Variants in CEP70 observed in about 807,000 individuals in gnomAD.
CEP70 encodes centrosomal protein of 70 kDa.
In CEP70, 70 loss-of-function variants were observed where a neutral mutation model predicts 90.9. The ratio of observed to expected loss-of-function variants is 0.77; its 90% CI spans 0.64 to 0.94. The LOEUF is 0.94. Among genes scored for constraint, CEP70 ranks in the 40% least tolerant of loss-of-function variants. The pLI is 0.00. For missense variants in CEP70, 648 were observed against 669.0 expected, an observed-to-expected ratio of 0.97 and a Z score of 0.35; for synonymous variants, 220 against 228.3, an observed-to-expected ratio of 0.96 and a Z score of 0.33.
chr3:138,543,972 G>A (rs34011134), intron 6 of CEP70, among the ~76,000 whole-genome samples: 12,587 of 151,160 alleles, frequency 0.083, 1,015 homozygotes, highest in East Asian at 0.38. Flanking sequence ...TCTATTATTT[G>A]TGATCAAGGC....
rs1316848567 is a variant in CEP70, at chr3:138,582,332, C to T, written c.-5-9400G>A. Among the ~76,000 whole-genome samples the T allele has an allele frequency of 6.6e-5, 10 of 151,912 alleles. No individual in the cohort carries two copies. The East Asian group carries it at 1.2e-3, about 18-fold the overall frequency. On this transcript the variant is annotated intron_variant, in intron 2 of 17. Coordinates refer to ENST00000264982, the MANE Select transcript of CEP70 (RefSeq NM_024491.4). ...ACTAAAAATACAAAAATTAGCCAGG[C>T]GTGGTGGCACATGCCCATAGTCCCA...
At chr3:138,566,566 A>C (rs2040804178) in intron 6 of CEP70, among the ~76,000 whole-genome samples, 1 of 152,152 alleles carries the variant, frequency 6.6e-6, no homozygotes, top group African/African-American at 2.4e-5. Flanking sequence ...AAGAATGGAA[A>C]ACCAAACACT....
chr3:138,524,583 C>A (rs1036275270), intron 11 of CEP70, among the ~76,000 whole-genome samples: 1 of 152,078 alleles, frequency 6.6e-6, no homozygotes, highest in African/African-American at 2.4e-5. Context: ...ACCAAACAAC[C>A]CCATCAACAA....
intron 1 of CEP70, among the ~76,000 whole-genome samples, chr3:138,592,586 G>A (rs2042437041): frequency 6.6e-6 from 1 of 152,156 alleles, no homozygotes; most frequent in African/African-American, 2.4e-5. Context: ...GAGGGTAGGA[G>A]TTGATTTGTA....
In CEP70 at chr3:138,500,198, C is replaced by T. The variant is rs1176677619; in HGVS notation, c.1564G>A (p.Val522Ile). The T allele has an allele frequency of 1.9e-6, 3 of 1,612,428 alleles. No homozygotes were observed. The highest frequency in any genetic ancestry group is 2.5e-6 in the Non-Finnish European group (3 of 1,178,452). Residue 522 changes from valine to isoleucine, a missense_variant, in exon 16 of 18, where the codon GTA (valine) becomes ATA (isoleucine). Coordinates refer to ENST00000264982, the MANE Select transcript of CEP70 (RefSeq NM_024491.4). ...LDSSSSLCVL[V>I]STVGKLCRLI... ...CTACAGAGTTTTCCAACAGTGCTTA[C>T]TAGCACACACAATGAGGATGAACTA...
chr3:138,538,037 T>C (rs1032838442), intron 6 of CEP70, among the ~76,000 whole-genome samples: 4 of 152,168 alleles, frequency 2.6e-5, no homozygotes. Context: ...AGGAATTGCC[T>C]GTGGAAAATT....
At chr3:138,534,870 C>G (rs1444658192) in intron 7 of CEP70, among the ~76,000 whole-genome samples, 1 of 152,196 alleles carries the variant, frequency 6.6e-6, no homozygotes, top group Non-Finnish European at 1.5e-5. Flanking sequence ...CCACTCCTTT[C>G]AACATCTATA....
intron 10 of CEP70, among the ~76,000 whole-genome samples, chr3:138,527,586 C>T (rs955509288): frequency 5.3e-5 from 8 of 150,336 alleles, no homozygotes; most frequent in South Asian, 2.1e-4. Context: ...CCCAGCTACT[C>T]GGGAGGCTGA....
At chr3:138,581,010 C>T (rs1229349878) in intron 2 of CEP70, among the ~76,000 whole-genome samples, 1 of 152,004 alleles carries the variant, frequency 6.6e-6, no homozygotes. Flanking sequence ...ACAGGCCGGG[C>T]ATGGTGGCTC....
At chr3:138,526,589 C>T (rs1043112306) in intron 10 of CEP70, among the ~76,000 whole-genome samples, 1 of 152,180 alleles carries the variant, frequency 6.6e-6, no homozygotes, top group African/African-American at 2.4e-5. Context: ...CAACAATGTT[C>T]ATTCTTTATT....
chr3:138,571,923 C>T (rs1296218551), intron 3 of CEP70, among the ~76,000 whole-genome samples: 9 of 152,162 alleles, frequency 5.9e-5, no homozygotes, highest in East Asian at 1.9e-4. Flanking sequence ...GGACTACAGG[C>T]GCCCGCCACC....
chr3:138,518,518 G>A (rs1277479853), intron 11 of CEP70, among the ~76,000 whole-genome samples: 1 of 152,158 alleles, frequency 6.6e-6, no homozygotes, highest in Non-Finnish European at 1.5e-5. Context: ...AACATTTGCT[G>A]TGCACCAATA....
chr3:138,495,815 G>T, intron 17 of CEP70: 1 of 901,496 alleles, frequency 1.1e-6, no homozygotes, highest in Non-Finnish European at 1.3e-6. Flanking sequence ...TTGCGTCACT[G>T]CACTCTGGCC....
chr3:138,494,962 A>G lies in CEP70; in HGVS notation c.*53T>C. 1 of 1,016,864 alleles carries G rather than the reference A, an allele frequency of 9.8e-7. No homozygotes were observed. Among genetic ancestry groups the G allele is most frequent in the Non-Finnish European group, 1.5e-6 (1 of 661,986 alleles). The allele number at this position is 1,016,864 out of a possible 1,614,324, so 63.0% of individuals were successfully genotyped here. ...TCTCAAAATAAGATCAATCCTACAAAATACAAAATGTTAAGAATACAATTT... is the reference window on the plus strand; with the variant it reads ...TCTCAAAATAAGATCAATCCTACAAGATACAAAATGTTAAGAATACAATTT... On this transcript the variant is annotated 3_prime_UTR_variant, in exon 18 of 18. Coordinates refer to ENST00000264982, the MANE Select transcript of CEP70 (RefSeq NM_024491.4).
At chr3:138,590,970 G>A (rs1006231035) in intron 2 of CEP70, among the ~76,000 whole-genome samples, 2 of 152,144 alleles carry the variant, frequency 1.3e-5, no homozygotes, top group African/African-American at 4.8e-5. Flanking sequence ...AATTTATTAA[G>A]CTATACATTT....
At chr3:138,524,459 A>G (rs906205053) in intron 11 of CEP70, among the ~76,000 whole-genome samples, 1 of 152,206 alleles carries the variant, frequency 6.6e-6, no homozygotes, top group Non-Finnish European at 1.5e-5. Flanking sequence ...AATCAGAGTG[A>G]ACAGAGTGAA....
intron 16 of CEP70, among the ~76,000 whole-genome samples, chr3:138,499,550 G>A (rs1008696720): frequency 2.6e-5 from 4 of 152,098 alleles, no homozygotes; most frequent in African/African-American, 9.7e-5. Context: ...CTTCTTTATA[G>A]GCCTTACAAT....
Position 138,497,916 on chromosome 3 carries a change from AG to A in CEP70, c.1732+114del, listed in dbSNP as rs2034093569. On this transcript the variant is annotated intron_variant, in intron 17 of 17. Transcript: ENST00000264982. ...TAAGGAATGTGTTTCCAGAACTGTT[AG>A]TGGTTTCCAACCACTAGGTAAAAAT... 8.6e-6 allele frequency: 13 copies of A among 1,517,572 alleles called. No individual in the cohort carries two copies. In the South Asian group the frequency reaches 1.6e-4, roughly 19 times the overall value. 94.0% of individuals were successfully genotyped at this position (1,517,572 alleles called of 1,614,324 possible).
At chr3:138,561,275 C>T (rs1204162148) in intron 6 of CEP70, among the ~76,000 whole-genome samples, 1 of 152,072 alleles carries the variant, frequency 6.6e-6, no homozygotes, top group East Asian at 1.9e-4. Flanking sequence ...CTCCAGCAAA[C>T]TCCAGCAGAC....
Sources: allele counts gnomAD v4.1 joint callset (sites outside exome capture counted in the v4.1 genomes callset), GRCh38; gene constraint gnomAD v4.1.1; transcripts MANE v1.5; gene names NCBI Gene and HGNC (gene_info 2026-07-23, HGNC 2026-07-21).